The following ANKRD31 variants were observed in gnomAD, a reference collection of about 807,000 sequenced individuals.
ANKRD31 encodes ankyrin repeat domain 31.
A neutral mutation model predicts 186.0 loss-of-function variants in ANKRD31; 147 were observed. That is an observed-to-expected ratio of 0.79 (90% CI 0.69 to 0.91). ANKRD31 has a LOEUF of 0.91. ANKRD31 is among the 40% of genes least tolerant of loss of function. The pLI, the probability that ANKRD31 is intolerant of heterozygous loss-of-function variation, is 0.00. For synonymous variants in ANKRD31, 673 were observed against 736.4 expected, an observed-to-expected ratio of 0.91 and a Z score of 1.39; for missense variants, 1,986 against 2,148.8, an observed-to-expected ratio of 0.92 and a Z score of 1.50.
chr5:75,104,689 C>T lies in ANKRD31; in HGVS notation c.4870G>A (p.Glu1624Lys). The change falls in exon 22 of 26, where the codon GAA becomes AAA. Residue 1624 changes from glutamate to lysine, a missense_variant. Coordinates refer to ENST00000506364, the MANE Select transcript of ANKRD31 (RefSeq NM_001372053.1). ...EYSQKENDLT[E>K]ATDKDHEFYV... ...AATTCATGGTCTTTGTCTGTAGCTT[C>T]TGTAAGATCATTCTCTTTCTGTGAA... is the stretch of plus-strand genomic sequence containing the variant. The T allele has an allele frequency of 6.5e-7, 1 of 1,536,598 alleles. No individual in the cohort carries two copies. The highest frequency in any genetic ancestry group is 8.7e-7 in the Non-Finnish European group (1 of 1,146,726).
chr5:75,175,213 A>G (rs1753690762), intron 10 of ANKRD31, among the ~76,000 whole-genome samples: 1 of 152,140 alleles, frequency 6.6e-6, no homozygotes, highest in African/African-American at 2.4e-5. Flanking sequence ...GGAACATCAC[A>G]CACTGAGGCC....
chr5:75,211,039 A>G (rs1756607480), intron 3 of ANKRD31, among the ~76,000 whole-genome samples, 174 bp from the exon 4 acceptor site: 1 of 152,202 alleles, frequency 6.6e-6, no homozygotes, highest in Non-Finnish European at 1.5e-5. Context: ...TTTTAAGTGT[A>G]CAGTTCTCTG....
chr5:75,171,454 T>C (rs1407859595), intron 10 of ANKRD31, among the ~76,000 whole-genome samples: 2 of 152,090 alleles, frequency 1.3e-5, no homozygotes, highest in South Asian at 2.1e-4. Flanking sequence ...ATCTGTGAGA[T>C]GCAACTATTA....
chr5:75,112,534 T>A lies in ANKRD31; in HGVS notation c.4222A>T (p.Ile1408Leu). 1 of 1,519,350 alleles carries A rather than the reference T, an allele frequency of 6.6e-7. No individual in the cohort carries two copies. Among genetic ancestry groups the A allele is most frequent in the East Asian group, 2.5e-5 (1 of 40,640 alleles). 94.1% of individuals were successfully genotyped at this position (1,519,350 alleles called of 1,614,324 possible). Residue 1408 changes from isoleucine to leucine, a missense_variant, in exon 20 of 26, where the codon ATA becomes TTA. Coordinates refer to ENST00000506364, the MANE Select transcript of ANKRD31 (RefSeq NM_001372053.1). ...TTACCTGCATCTTCAGGGTTTCTTA[T>A]TTCAAACTCTAATAAATATTCTTGT... Reference protein sequence around the residue: ...EKQEYLLEFEIRNPEDAEQYI... With the variant: ...EKQEYLLEFELRNPEDAEQYI...
intron 25 of ANKRD31, among the ~76,000 whole-genome samples, chr5:75,076,136 C>T (rs776742400): frequency 3.3e-5 from 5 of 152,110 alleles, no homozygotes; most frequent in Admixed American, 6.6e-5. Flanking sequence ...TCACACTAAC[C>T]GCTGGTCCAA....
intron 19 of ANKRD31, among the ~76,000 whole-genome samples, chr5:75,113,392 T>C (rs943073719): frequency 1.8e-4 from 27 of 152,216 alleles, no homozygotes; most frequent in Admixed American, 1.8e-3. Context: ...ATTTCCTTTT[T>C]CTCAGAATTA....
intron 22 of ANKRD31, among the ~76,000 whole-genome samples, chr5:75,095,465 C>A (rs1165905541): frequency 7.6e-6 from 1 of 131,108 alleles, no homozygotes; most frequent in Non-Finnish European, 1.6e-5. Context: ...CAGAGCGAGA[C>A]TCCGTCTCAA....
Position 75,068,341 on chromosome 5 carries a change from A to G in ANKRD31, c.*178T>C. ...GCCTTTATTTCAATGGCAAAAAAGC[A>G]TTAATCTTATATAATTGTTGAACAG... On this transcript the variant is annotated 3_prime_UTR_variant, in exon 26 of 26. Transcript: ENST00000506364. The G allele has an allele frequency of 1.9e-6, 1 of 531,814 alleles. No individual in the cohort carries two copies. Among genetic ancestry groups the G allele is most frequent in the Non-Finnish European group, 2.9e-6 (1 of 345,000 alleles). The allele number at this position is 531,814 out of a possible 1,614,324, so 32.9% of individuals were successfully genotyped here.
At chr5:75,068,956 A>G (rs1370279545) in intron 25 of ANKRD31, among the ~76,000 whole-genome samples, 2 of 152,224 alleles carry the variant, frequency 1.3e-5, no homozygotes, top group African/African-American at 4.8e-5. Context: ...TCAATTTCCA[A>G]TAAACGGAGA....
At chr5:75,166,388 T>C (rs1206044658) in intron 11 of ANKRD31, among the ~76,000 whole-genome samples, 1 of 152,106 alleles carries the variant, frequency 6.6e-6, no homozygotes, top group Non-Finnish European at 1.5e-5. Flanking sequence ...CAAGAAGCGC[T>C]TGAGCCTAGG....
chr5:75,104,496 G>T lies in ANKRD31; in HGVS notation c.5063C>A (p.Ala1688Glu). Residue 1688 changes from alanine to glutamate, a missense_variant, in exon 22 of 26, where the codon GCA (alanine) becomes GAA (glutamate). Transcript: ENST00000506364. ...CCCTTGATGTGCCAGAGATTCTGATGCCCCTGTAGGTGATTGCTGGGAACT... is the reference window on the plus strand; with the variant it reads ...CCCTTGATGTGCCAGAGATTCTGATTCCCCTGTAGGTGATTGCTGGGAACT... ...KTSSQQSPTG[A>E]SESLAHQGIA... The T allele has an allele frequency of 6.5e-7, 1 of 1,537,176 alleles. No homozygotes were observed. The highest frequency in any genetic ancestry group is 8.7e-7 in the Non-Finnish European group (1 of 1,146,900).
At chr5:75,151,413 G>T (rs1437316648) in intron 12 of ANKRD31, among the ~76,000 whole-genome samples, 1 of 151,956 alleles carries the variant, frequency 6.6e-6, no homozygotes, top group Non-Finnish European at 1.5e-5. Context: ...TTGAATCATG[G>T]GGGCAGGTTT....
chr5:75,195,702 C>T lies in ANKRD31; in HGVS notation c.946G>A (p.Ala316Thr), dbSNP rs1029965224. Residue 316 changes from alanine to threonine, a missense_variant, in exon 7 of 26, where the codon GCC (alanine) becomes ACC (threonine). By Grantham distance (58) the Ala-to-Thr change is moderately conservative. Transcript: ENST00000506364. ...TCCACTTCTAAACATTCATTTCTGGCAATGAGACTGCTACCTCCCTCTTTT... is the reference window on the plus strand; with the variant it reads ...TCCACTTCTAAACATTCATTTCTGGTAATGAGACTGCTACCTCCCTCTTTT... Reference protein sequence around the residue: ...HRKEGGSSLIARNECLEVEFN... With the variant: ...HRKEGGSSLITRNECLEVEFN... The T allele has an allele frequency of 4.6e-6, 7 of 1,537,330 alleles. No homozygotes were observed. The African/African-American group carries it at 9.6e-5, about 21-fold the overall frequency.
chr5:75,076,953 C>T (rs1744698001), intron 25 of ANKRD31, among the ~76,000 whole-genome samples: 1 of 151,966 alleles, frequency 6.6e-6, no homozygotes, highest in South Asian at 2.1e-4. Flanking sequence ...AATACATATG[C>T]TCTAGTTATA....
intron 10 of ANKRD31, among the ~76,000 whole-genome samples, chr5:75,181,909 C>A (rs1754336457): frequency 6.6e-6 from 1 of 150,782 alleles, no homozygotes. Context: ...AAAAAGAAGC[C>A]ACATGTTGAA....
At chr5:75,191,124 C>T (rs559327228) in intron 9 of ANKRD31, among the ~76,000 whole-genome samples, 21 of 152,204 alleles carry the variant, frequency 1.4e-4, no homozygotes, top group Non-Finnish European at 2.2e-4. Context: ...GATTCACTTA[C>T]GCTTTCTTCT....
At chr5:75,168,336 A>G (rs1753069010) in intron 11 of ANKRD31, among the ~76,000 whole-genome samples, 2 of 152,162 alleles carry the variant, frequency 1.3e-5, no homozygotes, top group South Asian at 4.1e-4. Context: ...GAAATGAATA[A>G]CAAGATATCT....
chr5:75,134,388 A>C (rs10943790), intron 17 of ANKRD31, among the ~76,000 whole-genome samples: 7 of 152,212 alleles, frequency 4.6e-5, no homozygotes, highest in East Asian at 1.9e-4. Context: ...ATAAACACCT[A>C]TACGCAAATA....
chr5:75,172,072 C>T (rs532081063), intron 10 of ANKRD31, among the ~76,000 whole-genome samples: 1 of 151,236 alleles, frequency 6.6e-6, no homozygotes, highest in Admixed American at 6.6e-5. Flanking sequence ...AAGCATTATC[C>T]CCCTCAAAAA....
Sources: allele counts gnomAD v4.1 joint callset (sites outside exome capture counted in the v4.1 genomes callset), GRCh38; gene constraint gnomAD v4.1.1; transcripts MANE v1.5; gene names NCBI Gene and HGNC (gene_info 2026-07-23, HGNC 2026-07-21).